The following VEPH1 variants were observed in gnomAD, a reference collection of about 807,000 sequenced individuals.
The protein encoded by VEPH1 is ventricular zone expressed PH domain containing 1.
Under a neutral mutation model 85.2 loss-of-function variants are expected in VEPH1, and 80 were observed. That is an observed-to-expected ratio of 0.94 (90% confidence interval 0.78 to 1.13). The LOEUF is 1.13. VEPH1 is among the 50% of genes most tolerant of loss of function. The pLI, the probability that VEPH1 is intolerant of heterozygous loss-of-function variation, is 0.00. For missense variants in VEPH1, 955 were observed against 980.5 expected (o/e 0.97, Z 0.35); for synonymous variants, 297 against 348.0 (o/e 0.85, Z 1.63).
chr3:157,318,255 T>C (rs571509877), intron 9 of VEPH1, among the ~76,000 whole-genome samples: 2 of 152,200 alleles, frequency 1.3e-5, no homozygotes, highest in Admixed American at 6.5e-5. Context: ...GTCATACTGA[T>C]AGTTAATGGG....
chr3:157,352,298 A>C lies in VEPH1; in HGVS notation c.1735+11066T>G, dbSNP rs533547131. ...ACTACTGGATTCATTTTCTTTCTCT[A>C]TGTTTATTTTCCCCTCTACATTGAG... On this transcript the variant is annotated intron_variant, in intron 9 of 13. Coordinates refer to ENST00000362010, the MANE Select transcript of VEPH1 (RefSeq NM_001167912.2). Among the ~76,000 whole-genome samples, 59 of 152,232 alleles carry C rather than the reference A, an allele frequency of 3.9e-4. No individual in the cohort carries two copies. In the South Asian group the frequency reaches 0.011, roughly 29 times the overall value.
chr3:157,455,242 C>T (rs1735276751), intron 4 of VEPH1, among the ~76,000 whole-genome samples: 1 of 152,166 alleles, frequency 6.6e-6, no homozygotes, highest in South Asian at 2.1e-4. Flanking sequence ...TTCTCTGCAG[C>T]CTTGCCAACA....
At chr3:157,306,183 A>G (rs2108485691) in intron 11 of VEPH1, among the ~76,000 whole-genome samples, 1 of 152,260 alleles carries the variant, frequency 6.6e-6, no homozygotes, top group Admixed American at 6.5e-5. Flanking sequence ...GTTATTTAAC[A>G]ATAAAATTAC....
At chr3:157,409,723 C>A (rs1209969097) in intron 6 of VEPH1, 4 of 985,310 alleles carry the variant, frequency 4.1e-6, no homozygotes, top group Non-Finnish European at 4.8e-6. Flanking sequence ...CACACCCTGT[C>A]ATTTCCCAGT....
chr3:157,271,980 G>A (rs1226503646), intron 12 of VEPH1, among the ~76,000 whole-genome samples: 3 of 152,200 alleles, frequency 2.0e-5, no homozygotes, highest in Admixed American at 1.3e-4. Flanking sequence ...AGAGCTAAGG[G>A]TCCTGGGAAT....
intron 9 of VEPH1, among the ~76,000 whole-genome samples, chr3:157,335,732 T>C (rs150765559): frequency 2.5e-3 from 378 of 152,308 alleles, no homozygotes; most frequent in African/African-American, 8.0e-3. Flanking sequence ...ACTTTTTTTT[T>C]CTCATCAATT....
Position 157,328,701 on chromosome 3 carries a change from A to C in VEPH1, c.1736-11500T>G, listed in dbSNP as rs993777508. On this transcript the variant is annotated intron_variant, in intron 9 of 13. Transcript: ENST00000362010. ...TGATGTACATGTCGTTTTGAGGCTC[A>C]GAAGCACAGAAATGTTGCAGGAATG... Among the ~76,000 whole-genome samples, 9 of 152,342 alleles carry C rather than the reference A, an allele frequency of 5.9e-5. No individual in the cohort carries two copies. The South Asian group carries it at 1.9e-3, about 32-fold the overall frequency.
At chr3:157,431,948 A>G (rs762988589) in intron 4 of VEPH1, among the ~76,000 whole-genome samples, 1 of 151,906 alleles carries the variant, frequency 6.6e-6, no homozygotes, top group Non-Finnish European at 1.5e-5. Context: ...CATGGGTTCA[A>G]GTGATTCTCC....
In VEPH1 at chr3:157,369,180, GAAAAAAAA is replaced by G. The variant is rs58451868; in HGVS notation, c.1128-4676_1128-4669del. On this transcript the variant is annotated intron_variant, in intron 7 of 13. Coordinates refer to ENST00000362010, the MANE Select transcript of VEPH1 (RefSeq NM_001167912.2). ...ACAACAACAACAACAAAAACCAAAT[GAAAAAAAA>G]AAAAAAAAAAAAAAAACCTCCTGAG... 2.6e-4 allele frequency among the ~76,000 whole-genome samples: 11 copies of G among 42,784 alleles called. 1 individual carries two copies. Among genetic ancestry groups the G allele is most frequent in the South Asian group, 2.3e-3 (1 of 440 alleles). The allele number at this position is 42,784 out of a possible 152,430, so 28.1% of individuals were successfully genotyped here.
intron 9 of VEPH1, among the ~76,000 whole-genome samples, chr3:157,334,633 G>C (rs1722796310): frequency 6.6e-6 from 1 of 152,150 alleles, no homozygotes; most frequent in Non-Finnish European, 1.5e-5. Flanking sequence ...ACTATAAAAA[G>C]ATTCAGAGTT....
rs1363731568 is a variant in VEPH1, at chr3:157,481,543, T to C, written c.139-11014A>G. Among the ~76,000 whole-genome samples, 3 of 149,604 alleles carry C rather than the reference T, an allele frequency of 2.0e-5. No individual in the cohort carries two copies. In the South Asian group the frequency reaches 6.3e-4, roughly 31 times the overall value. On this transcript the variant is annotated intron_variant, in intron 2 of 13. Transcript: ENST00000362010. Reference sequence around the variant, plus strand: ...CATCACATTACCTGACTTCAAACTATGTTACAAGTCTATAGTAACTAAAAC... The same window carrying C: ...CATCACATTACCTGACTTCAAACTACGTTACAAGTCTATAGTAACTAAAAC...
At chr3:157,336,468 C>T (rs976305902) in intron 9 of VEPH1, among the ~76,000 whole-genome samples, 5 of 152,202 alleles carry the variant, frequency 3.3e-5, no homozygotes, top group African/African-American at 1.2e-4. Context: ...TACCTGGGCA[C>T]TGCTTACCGC....
intron 3 of VEPH1, among the ~76,000 whole-genome samples, chr3:157,468,347 G>A (rs1736578737): frequency 1.3e-5 from 2 of 152,136 alleles, no homozygotes; most frequent in South Asian, 2.1e-4. Flanking sequence ...TAAAAAAAAT[G>A]GTGAATCACA....
chr3:157,418,629 A>C (rs959260376), intron 5 of VEPH1, among the ~76,000 whole-genome samples: 2 of 152,168 alleles, frequency 1.3e-5, no homozygotes, highest in African/African-American at 4.8e-5. Flanking sequence ...TAACAAGGGA[A>C]GTGAAGGACC....
intron 9 of VEPH1, among the ~76,000 whole-genome samples, chr3:157,325,218 CT>C (rs1721765173): frequency 6.7e-6 from 1 of 150,008 alleles, no homozygotes; most frequent in Non-Finnish European, 1.5e-5. Context: ...TGTTTAAGTT[CT>C]TTGTAGAGGC....
intron 4 of VEPH1, chr3:157,442,740 C>T (rs1734229638): frequency 6.2e-7 from 1 of 1,614,156 alleles, no homozygotes; most frequent in East Asian, 2.2e-5. Flanking sequence ...TCACATTGTT[C>T]CTGAGGGAGG....
At chr3:157,481,467 A>ACACACACACACACACACACAC (rs60293047) in intron 2 of VEPH1, among the ~76,000 whole-genome samples, 1 of 53,512 alleles carries the variant, frequency 1.9e-5, no homozygotes, top group African/African-American at 7.1e-5. Flanking sequence ...CACACACACA[A>ACACACACACACACACACACAC]AAAAAAAAAA....
In VEPH1 at chr3:157,470,343, C is replaced by T. The variant is rs769862950; in HGVS notation, c.325G>A (p.Ala109Thr). Residue 109 changes from alanine to threonine, a missense_variant, in exon 3 of 14, where the codon GCA becomes ACA. Coordinates refer to ENST00000362010, the MANE Select transcript of VEPH1 (RefSeq NM_001167912.2). The part of the protein sequence containing the change: ...KDEDTPHAKI[A>T]SDIMSCILQN... ...AAAATGCAACTCATGATATCAGATG[C>T]GATTTTTGCATGAGGAGTGTCTTCG... 1.6e-5 allele frequency: 26 copies of T among 1,613,908 alleles called. No homozygotes were observed. Among genetic ancestry groups the T allele is most frequent in the Admixed American group, 8.3e-5 (5 of 59,970 alleles).
intron 2 of VEPH1, among the ~76,000 whole-genome samples, chr3:157,490,138 A>G (rs1219711029): frequency 1.3e-5 from 2 of 152,006 alleles, no homozygotes; most frequent in Non-Finnish European, 2.9e-5. Flanking sequence ...TTTTCTTCAA[A>G]TTAATCTATA....
Sources: gnomAD v4.1 joint callset for allele counts (sites outside exome capture counted in the v4.1 genomes callset) on GRCh38, gnomAD v4.1.1 for gene constraint, MANE v1.5 for transcripts, NCBI Gene and HGNC (gene_info 2026-07-23, HGNC 2026-07-21) for gene names.